Variants in ASIC2 observed in about 807,000 individuals in gnomAD.
ASIC2 encodes acid-sensing ion channel 2.
Under a neutral mutation model 57.3 loss-of-function variants are expected in ASIC2, and 25 were observed. The observed-to-expected ratio is 0.44, with a 90% CI of 0.32 to 0.61. ASIC2 has a LOEUF of 0.61. Among genes scored for constraint, ASIC2 ranks in the 20% least tolerant of loss-of-function variants. The pLI, the probability that ASIC2 is intolerant of heterozygous loss-of-function variation, is 0.06. For synonymous variants in ASIC2, 319 were observed against 307.5 expected (o/e 1.04, Z -0.39); for missense variants, 641 against 738.1 (o/e 0.87, Z 1.52).
intron 1 of ASIC2, among the ~76,000 whole-genome samples, chr17:33,458,209 C>T (rs7218455): frequency 0.17 from 25,138 of 151,956 alleles, 2,237 homozygotes; most frequent in African/African-American, 0.23. Flanking sequence ...GAACAAGAAA[C>T]TAAGAAACTA....
intron 1 of ASIC2, among the ~76,000 whole-genome samples, chr17:33,676,819 C>T (rs537231686): frequency 8.3e-4 from 127 of 152,310 alleles, no homozygotes; most frequent in African/African-American, 3.0e-3. Context: ...CCAAATCCCA[C>T]GTTGAGTTGT....
At chr17:33,579,139 A>G (rs1417800032) in intron 1 of ASIC2, among the ~76,000 whole-genome samples, 1 of 151,902 alleles carries the variant, frequency 6.6e-6, no homozygotes, top group East Asian at 1.9e-4. Context: ...ATAAAACAGT[A>G]GCCAGGCATG....
In ASIC2 at chr17:33,352,745, A is replaced by G. The variant is rs547288433; in HGVS notation, c.556-240678T>C. Among the ~76,000 whole-genome samples, 28 of 152,128 alleles carry G rather than the reference A, an allele frequency of 1.8e-4. No homozygotes were observed. In the South Asian group the frequency reaches 4.8e-3, roughly 26 times the overall value. On this transcript the variant is annotated intron_variant, in intron 1 of 9. Transcript: ENST00000359872. ...CAGTTTCAGTGTGCAAGGTGCATGC[A>G]CCTCAACACTCAGCAGGTCCTCACG... is the stretch of plus-strand genomic sequence containing the variant.
chr17:33,482,281 A>G (rs12451359), intron 1 of ASIC2, among the ~76,000 whole-genome samples: 32,598 of 152,214 alleles, frequency 0.21, 4,135 homozygotes, highest in South Asian at 0.31. Context: ...TGCAGGATGC[A>G]TGGTATTCAC....
intron 1 of ASIC2, among the ~76,000 whole-genome samples, chr17:33,260,371 G>A (rs150120346): frequency 2.6e-5 from 4 of 152,272 alleles, no homozygotes; most frequent in East Asian, 1.9e-4. Flanking sequence ...CAGAATCTGC[G>A]GGCACATTAA....
At chr17:33,402,409 T>C (rs576514444) in intron 1 of ASIC2, among the ~76,000 whole-genome samples, 6 of 152,212 alleles carry the variant, frequency 3.9e-5, no homozygotes, top group African/African-American at 1.4e-4. Context: ...AAGCCCAGCA[T>C]CCATTAGCTC....
intron 1 of ASIC2, among the ~76,000 whole-genome samples, chr17:33,151,607 C>T (rs1239295455): frequency 1.3e-5 from 2 of 152,260 alleles, no homozygotes; most frequent in South Asian, 4.1e-4. Flanking sequence ...GGGCTCTGCT[C>T]TCATGAATAA....
intron 1 of ASIC2, among the ~76,000 whole-genome samples, chr17:33,990,107 T>A (rs965659268): frequency 6.6e-6 from 1 of 152,158 alleles, no homozygotes; most frequent in Non-Finnish European, 1.5e-5. Flanking sequence ...AGGTGGGGAA[T>A]TTGATCTGAT....
intron 1 of ASIC2, among the ~76,000 whole-genome samples, chr17:33,797,520 G>C (rs1308393597): frequency 1.3e-5 from 2 of 152,142 alleles, no homozygotes; most frequent in Non-Finnish European, 2.9e-5. Flanking sequence ...CATTACTTTA[G>C]ATTTCAGTCT....
chr17:33,865,376 A>T (rs1452623107), intron 1 of ASIC2, among the ~76,000 whole-genome samples: 2 of 152,202 alleles, frequency 1.3e-5, no homozygotes, highest in African/African-American at 4.8e-5. Context: ...TTCTTTCTGT[A>T]TAAAGTAATA....
At chr17:33,146,041 C>T (rs141201473) in intron 1 of ASIC2, among the ~76,000 whole-genome samples, 1 of 152,356 alleles carries the variant, frequency 6.6e-6, no homozygotes, top group East Asian at 1.9e-4. Flanking sequence ...TTAGCACCCG[C>T]TATCTTAGTC....
chr17:33,701,035 A>C (rs12938529), intron 1 of ASIC2, among the ~76,000 whole-genome samples: 3,467 of 152,336 alleles, frequency 0.023, 124 homozygotes, highest in African/African-American at 0.079. Context: ...GGAGAAAGGC[A>C]TAAAGTCACT....
chr17:33,831,056 C>CAG (rs916012923), intron 1 of ASIC2, among the ~76,000 whole-genome samples: 46 of 112,808 alleles, frequency 4.1e-4, no homozygotes, highest in Admixed American at 1.8e-3. Context: ...TTGCAATGAG[C>CAG]AGAGATTGCA....
intron 1 of ASIC2, among the ~76,000 whole-genome samples, chr17:33,957,002 C>A (rs1904756801): frequency 6.6e-6 from 1 of 152,224 alleles, no homozygotes; most frequent in African/African-American, 2.4e-5. Context: ...TGACTGCTCA[C>A]CTGGCTCTGA....
chr17:33,017,102 G>T (rs970007383), intron 8 of ASIC2, among the ~76,000 whole-genome samples: 1 of 152,200 alleles, frequency 6.6e-6, no homozygotes, highest in South Asian at 2.1e-4. Context: ...CTGTCTTCTC[G>T]CTGAGGATTG....
At chr17:34,032,751 CA>C (rs1372518370) in intron 1 of ASIC2, among the ~76,000 whole-genome samples, 4 of 152,082 alleles carry the variant, frequency 2.6e-5, no homozygotes, top group African/African-American at 4.8e-5. Context: ...CAACAAAGAT[CA>C]AAAGAGACAA....
intron 2 of ASIC2, among the ~76,000 whole-genome samples, chr17:33,109,911 T>C (rs1306084070): frequency 6.6e-6 from 1 of 152,122 alleles, no homozygotes; most frequent in Non-Finnish European, 1.5e-5. Context: ...CATCTGTGGC[T>C]TTGAGGCAGA....
At chr17:33,927,499 A>G (rs1242344438) in intron 1 of ASIC2, among the ~76,000 whole-genome samples, 1 of 152,236 alleles carries the variant, frequency 6.6e-6, no homozygotes, top group Non-Finnish European at 1.5e-5. Flanking sequence ...ACACAGCAAT[A>G]GGCACTATCA....
chr17:33,625,263 C>A (rs1905949584), intron 1 of ASIC2, among the ~76,000 whole-genome samples: 1 of 152,004 alleles, frequency 6.6e-6, no homozygotes, highest in Non-Finnish European at 1.5e-5. Flanking sequence ...TCTCTTTCAT[C>A]TCTTGCAGTA....
Sources: gnomAD v4.1 joint callset for allele counts (sites outside exome capture counted in the v4.1 genomes callset) on GRCh38, gnomAD v4.1.1 for gene constraint, MANE v1.5 for transcripts, NCBI Gene and HGNC (gene_info 2026-07-23, HGNC 2026-07-21) for gene names.